RABGAP1L: variants seen among roughly 807,000 people sequenced by gnomAD.
RABGAP1L encodes the protein rab GTPase-activating protein 1-like.
Under a neutral mutation model 137.7 loss-of-function variants are expected in RABGAP1L, and 63 were observed. That is an observed-to-expected ratio of 0.46 (90% CI 0.37 to 0.56). RABGAP1L has a LOEUF of 0.56. RABGAP1L is among the 20% of genes least tolerant of loss of function. RABGAP1L has a pLI of 0.00. For synonymous variants in RABGAP1L, 431 were observed against 433.7 expected (o/e 0.99, Z 0.08); for missense variants, 1,095 against 1,244.0 (o/e 0.88, Z 1.80).
At chr1:174,641,458 A>G (rs1674528194) in intron 14 of RABGAP1L, among the ~76,000 whole-genome samples, 1 of 152,152 alleles carries the variant, frequency 6.6e-6, no homozygotes. Context: ...GCAGATGAAG[A>G]GGTTTGCAAA....
intron 14 of RABGAP1L, among the ~76,000 whole-genome samples, chr1:174,665,150 C>T (rs1030131357): frequency 6.6e-6 from 1 of 152,166 alleles, no homozygotes; most frequent in African/African-American, 2.4e-5. Flanking sequence ...TTTATAGTCA[C>T]TCACCTGAAT....
intron 15 of RABGAP1L, among the ~76,000 whole-genome samples, chr1:174,686,372 T>G (rs1678458067): frequency 6.6e-6 from 1 of 152,192 alleles, no homozygotes; most frequent in Admixed American, 6.5e-5. Flanking sequence ...CCTTCTTTCT[T>G]TGATTTCTCT....
intron 13 of RABGAP1L, among the ~76,000 whole-genome samples, chr1:174,413,817 A>G (rs1008260052): frequency 6.6e-6 from 1 of 152,124 alleles, no homozygotes; most frequent in Non-Finnish European, 1.5e-5. Flanking sequence ...TAGGCAGCCA[A>G]TGCAGTTGGG....
At chr1:174,658,048 C>T (rs1676093614) in intron 14 of RABGAP1L, among the ~76,000 whole-genome samples, 1 of 152,194 alleles carries the variant, frequency 6.6e-6, no homozygotes, top group Non-Finnish European at 1.5e-5. Flanking sequence ...GACTGCTTGT[C>T]ATTGCAAATG....
At chr1:174,434,160 G>A (rs1040109565) in intron 13 of RABGAP1L, among the ~76,000 whole-genome samples, 2 of 126,088 alleles carry the variant, frequency 1.6e-5, no homozygotes, top group Non-Finnish European at 3.3e-5. Flanking sequence ...CACCCTGCCT[G>A]GGGCAACTAG....
intron 14 of RABGAP1L, among the ~76,000 whole-genome samples, chr1:174,645,457 C>A (rs975414870): frequency 3.5e-5 from 5 of 142,178 alleles, no homozygotes; most frequent in Non-Finnish European, 7.6e-5. Flanking sequence ...TCTCATTGTG[C>A]AACTCCCACT....
chr1:174,927,072 C>CAA (rs80307774), intron 19 of RABGAP1L, among the ~76,000 whole-genome samples: 1 of 120,068 alleles, frequency 8.3e-6, no homozygotes. Flanking sequence ...GACTCCGTCT[C>CAA]AAAAAAAAAA....
At chr1:174,600,332 A>G (rs1413149761) in intron 13 of RABGAP1L, among the ~76,000 whole-genome samples, 2 of 152,038 alleles carry the variant, frequency 1.3e-5, no homozygotes, top group African/African-American at 4.8e-5. Flanking sequence ...GGCCCTTCCA[A>G]ATTTCATGTC....
chr1:174,745,627 G>A (rs1683807520), intron 17 of RABGAP1L, among the ~76,000 whole-genome samples: 1 of 152,154 alleles, frequency 6.6e-6, no homozygotes, highest in Non-Finnish European at 1.5e-5. Context: ...TCTCTAAAAT[G>A]GTGGCAATAA....
At chr1:174,634,024 A>T (rs1251673912) in intron 13 of RABGAP1L, among the ~76,000 whole-genome samples, 3 of 108,284 alleles carry the variant, frequency 2.8e-5, no homozygotes, top group Admixed American at 9.3e-5. Flanking sequence ...AAAAGACAAA[A>T]TTGACAAATG....
At chr1:174,802,548 G>A (rs1241372781) in intron 18 of RABGAP1L, among the ~76,000 whole-genome samples, 1 of 152,136 alleles carries the variant, frequency 6.6e-6, no homozygotes, top group South Asian at 2.1e-4. Flanking sequence ...CAGAGATTGC[G>A]GTGAGCTGAG....
intron 12 of RABGAP1L, among the ~76,000 whole-genome samples, chr1:174,376,210 AAG>A (rs961234562): frequency 3.5e-4 from 53 of 151,502 alleles, no homozygotes; most frequent in Middle Eastern, 6.8e-3. Flanking sequence ...GGAAGAAAGA[AAG>A]AGAAGGAAGG....
chr1:174,598,397 A>G (rs1245255996), intron 13 of RABGAP1L, among the ~76,000 whole-genome samples: 1 of 151,132 alleles, frequency 6.6e-6, no homozygotes, highest in African/African-American at 2.4e-5. Context: ...TGTATTCTGC[A>G]GCTGCTGGAT....
chr1:174,399,702 A>G (rs375314085), intron 13 of RABGAP1L, among the ~76,000 whole-genome samples: 60 of 152,286 alleles, frequency 3.9e-4, no homozygotes, highest in African/African-American at 1.4e-3. Flanking sequence ...CAAATTTACA[A>G]TCGTGGCGGA....
chr1:174,239,112 C>T (rs192803875), intron 4 of RABGAP1L, among the ~76,000 whole-genome samples: 50 of 152,306 alleles, frequency 3.3e-4, no homozygotes, highest in East Asian at 1.9e-3. Context: ...GGCAATGCCT[C>T]GCCCTGCTTC....
At chr1:174,749,489 C>T (rs1027108162) in intron 17 of RABGAP1L, among the ~76,000 whole-genome samples, 18 of 151,908 alleles carry the variant, frequency 1.2e-4, no homozygotes, top group Non-Finnish European at 2.5e-4. Context: ...ACCACCACAC[C>T]TGGCTAATTT....
rs1331829245 is a variant in RABGAP1L, at chr1:174,590,060, A to G, written c.1711-47315A>G. Among the ~76,000 whole-genome samples the G allele has an allele frequency of 2.0e-5, 3 of 150,688 alleles. No homozygotes were observed. The East Asian group carries it at 5.8e-4, about 29-fold the overall frequency. On this transcript the variant is annotated intron_variant, in intron 13 of 25. Transcript: ENST00000681986. The stretch of plus-strand genomic sequence containing the variant: ...GCACATTGCTTTGGACATTTTAACA[A>G]TATTGATTCTTCTAATCCATGAACA...
intron 13 of RABGAP1L, among the ~76,000 whole-genome samples, chr1:174,565,191 T>C (rs1217428949): frequency 2.0e-5 from 3 of 152,124 alleles, no homozygotes; most frequent in East Asian, 3.8e-4. Context: ...AGTCATTAGG[T>C]GTTTTATGCA....
At chr1:174,447,501 C>T (rs1428539145) in intron 13 of RABGAP1L, among the ~76,000 whole-genome samples, 1 of 152,164 alleles carries the variant, frequency 6.6e-6, no homozygotes, top group Non-Finnish European at 1.5e-5. Context: ...CCCAAAGACA[C>T]TCTTTGCCAC....
Sources: gnomAD v4.1 joint callset for allele counts (sites outside exome capture counted in the v4.1 genomes callset) on GRCh38, gnomAD v4.1.1 for gene constraint, MANE v1.5 for transcripts, NCBI Gene and HGNC (gene_info 2026-07-23, HGNC 2026-07-21) for gene names.